CLASP2: variants seen among roughly 807,000 people sequenced by gnomAD.
CLASP2 encodes the protein cytoplasmic linker associated protein 2.
In CLASP2, 47 loss-of-function variants were observed where a neutral mutation model predicts 194.4. The ratio of observed to expected loss-of-function variants is 0.24; its 90% CI spans 0.19 to 0.31. CLASP2 has a LOEUF of 0.31. Ranked by LOEUF, CLASP2 falls within the 10% of genes least tolerant of loss-of-function variation. The pLI, the probability that CLASP2 is intolerant of heterozygous loss-of-function variation, is 1.00. For missense variants in CLASP2, 1,445 were observed against 1,823.6 expected (o/e 0.79, Z 3.78); for synonymous variants, 619 against 633.5 (o/e 0.98, Z 0.34).
Position 33,696,856 on chromosome 3 carries a change from C to T in CLASP2, c.273G>A (p.Met91Ile). ...LSTRFKSYVAMVIVALIDRMG... is the reference protein window; with the variant it reads ...LSTRFKSYVAIVIVALIDRMG... ...TGTAAATAAACAAAGTTAACTTACC[C>T]ATTGCTACATAGGATTTAAAGCGTG... Residue 91 changes from methionine to isoleucine, a missense_variant and splice_region_variant, in exon 2 of 39, where the codon ATG becomes ATA. By Grantham distance (10) the Met-to-Ile change is conservative. Around this residue, in one of 4 missense-constraint regions of CLASP2, gnomAD observed 332 missense variants for 325.3 expected, o/e 1.02. Transcript: ENST00000682230. 1 of 1,573,142 alleles carries T rather than the reference C, an allele frequency of 6.4e-7. No individual in the cohort carries two copies. Among genetic ancestry groups the T allele is most frequent in the Admixed American group, 1.8e-5 (1 of 56,156 alleles).
At chr3:33,538,388 A>G (rs1019658418) in intron 33 of CLASP2, among the ~76,000 whole-genome samples, 1 of 152,180 alleles carries the variant, frequency 6.6e-6, no homozygotes, top group Non-Finnish European at 1.5e-5. Flanking sequence ...AAATAGACTC[A>G]CTTTCCTCCA....
intron 7 of CLASP2, among the ~76,000 whole-genome samples, chr3:33,657,256 A>G (rs1477557854): frequency 6.6e-6 from 1 of 152,168 alleles, no homozygotes. Context: ...ACGCAGGAGT[A>G]TATATCAAAC....
chr3:33,709,207 G>C (rs1324749328), intron 1 of CLASP2, among the ~76,000 whole-genome samples: 10 of 152,092 alleles, frequency 6.6e-5, no homozygotes, highest in Admixed American at 2.0e-4. Flanking sequence ...TTCCCCCTAT[G>C]TTTTCTTCTA....
At chr3:33,514,943 C>T (rs2050880447) in intron 36 of CLASP2, among the ~76,000 whole-genome samples, 1 of 152,094 alleles carries the variant, frequency 6.6e-6, no homozygotes, top group Non-Finnish European at 1.5e-5. Context: ...AATTGGCGAT[C>T]TTTTATTCTA....
chr3:33,674,700 A>G (rs570767020), intron 6 of CLASP2, among the ~76,000 whole-genome samples: 1 of 152,286 alleles, frequency 6.6e-6, no homozygotes, highest in African/African-American at 2.4e-5. Context: ...CAAGACTAAT[A>G]AAGAAAAAAA....
chr3:33,714,854 C>A (rs151055236), intron 1 of CLASP2, among the ~76,000 whole-genome samples: 1,907 of 152,228 alleles, frequency 0.013, 17 homozygotes, highest in Non-Finnish European at 0.02. Context: ...GGACTACAGG[C>A]ATAAGCCACC....
intron 21 of CLASP2, among the ~76,000 whole-genome samples, chr3:33,587,366 C>T (rs1183189342): frequency 2.6e-5 from 4 of 152,160 alleles, no homozygotes; most frequent in South Asian, 2.1e-4. Context: ...CTTCATGATC[C>T]GCCTGCCTCG....
At chr3:33,627,432 T>C (rs1277401806) in intron 9 of CLASP2, among the ~76,000 whole-genome samples, 1 of 152,158 alleles carries the variant, frequency 6.6e-6, no homozygotes, top group Non-Finnish European at 1.5e-5. Flanking sequence ...CATATACATA[T>C]TACCCAATAT....
chr3:33,655,408 C>G (rs1333130307), intron 7 of CLASP2, among the ~76,000 whole-genome samples: 1 of 152,234 alleles, frequency 6.6e-6, no homozygotes, highest in East Asian at 1.9e-4. Flanking sequence ...CCTTCAATGG[C>G]TACAGCAGGA....
chr3:33,708,242 T>A (rs1199824990), intron 1 of CLASP2, among the ~76,000 whole-genome samples: 1 of 151,740 alleles, frequency 6.6e-6, no homozygotes, highest in Non-Finnish European at 1.5e-5. Flanking sequence ...CCCCTGGTAA[T>A]CACCATTCTA....
chr3:33,549,578 A>ACT (rs2059670148), intron 30 of CLASP2, among the ~76,000 whole-genome samples: 1 of 152,200 alleles, frequency 6.6e-6, no homozygotes, highest in East Asian at 1.9e-4. Context: ...TGGTCAGAGA[A>ACT]CATACTGTGT....
At chr3:33,611,427 T>C (rs2075156078) in intron 13 of CLASP2, among the ~76,000 whole-genome samples, 1 of 152,188 alleles carries the variant, frequency 6.6e-6, no homozygotes, top group Admixed American at 6.5e-5. Flanking sequence ...CCTGCATAAA[T>C]ACTAATATCA....
At chr3:33,630,250 C>T (rs185624005) in intron 9 of CLASP2, among the ~76,000 whole-genome samples, 54 of 152,272 alleles carry the variant, frequency 3.5e-4, no homozygotes, top group African/African-American at 1.3e-3. Context: ...CAATAACCCT[C>T]GGCATATGTA....
At chr3:33,532,622 T>C (rs1297845563) in intron 34 of CLASP2, among the ~76,000 whole-genome samples, 1 of 152,244 alleles carries the variant, frequency 6.6e-6, no homozygotes, top group East Asian at 1.9e-4. Context: ...AGGTGGTTAT[T>C]AATGTACCAA....
intron 7 of CLASP2, among the ~76,000 whole-genome samples, chr3:33,652,668 T>C (rs1012075936): frequency 6.6e-6 from 1 of 152,234 alleles, no homozygotes. Flanking sequence ...AGACCATCTC[T>C]GAGTTCCAGA....
rs11720075 is a variant in CLASP2 at position 33,581,032 on chromosome 3, G to C, written c.2347+789C>G. On this transcript the variant is annotated intron_variant, in intron 23 of 38. Coordinates refer to ENST00000682230, the MANE Select transcript of CLASP2 (RefSeq NM_001365631.1). ...CTCCGTCTCAAAAAAAAAAAAAAAA[G>C]AAAGAAAGAAAAAAAAGAAAAAGAA... 2.2e-5 allele frequency among the ~76,000 whole-genome samples: 3 copies of C among 137,388 alleles called. No homozygotes were observed. In the East Asian group the frequency reaches 6.3e-4, roughly 29 times the overall value. 90.1% of individuals were successfully genotyped at this position (137,388 alleles called of 152,430 possible).
chr3:33,614,154 T>C (rs534276198), intron 12 of CLASP2, among the ~76,000 whole-genome samples: 1 of 152,282 alleles, frequency 6.6e-6, no homozygotes, highest in East Asian at 1.9e-4. Context: ...TTAAAAATTA[T>C]TGCATTATTG....
rs550060839 is a variant in CLASP2 at position 33,662,604 on chromosome 3, G to A, written c.715+841C>T. On this transcript the variant is annotated intron_variant, in intron 7 of 38. Transcript: ENST00000682230. Reference sequence around the variant, plus strand: ...ATCCTCAGTCTTGGTTTAACCCAAAGAACAGTAACTAAATTATATTAGTAA... The same window carrying A: ...ATCCTCAGTCTTGGTTTAACCCAAAAAACAGTAACTAAATTATATTAGTAA... 1.1e-4 allele frequency among the ~76,000 whole-genome samples: 16 copies of A among 152,186 alleles called. No individual in the cohort carries two copies. In the South Asian group the frequency reaches 3.1e-3, roughly 30 times the overall value.
Position 33,506,834 on chromosome 3 carries a change from C to T in CLASP2, c.4317+3724G>A, listed in dbSNP as rs114544730. Among the ~76,000 whole-genome samples the T allele has an allele frequency of 3.4e-3, 510 of 152,160 alleles. 3 individuals carry two copies. Among genetic ancestry groups the T allele is most frequent in the African/African-American group, 0.011 (459 of 41,534 alleles). Reference sequence around the variant, plus strand: ...CTATTTCATTGATCTATTAAGTCTACCTTTATGACAGTACCATGTTGTCTT... The same window carrying T: ...CTATTTCATTGATCTATTAAGTCTATCTTTATGACAGTACCATGTTGTCTT... On this transcript the variant is annotated intron_variant, in intron 37 of 38. Coordinates refer to ENST00000682230, the MANE Select transcript of CLASP2 (RefSeq NM_001365631.1).
Sources: allele counts gnomAD v4.1 joint callset (sites outside exome capture counted in the v4.1 genomes callset), GRCh38; gene constraint gnomAD v4.1.1; regional missense constraint gnomAD v4.1.1; transcripts MANE v1.5; gene names NCBI Gene and HGNC (gene_info 2026-07-23, HGNC 2026-07-21).